Variants in CDH4 observed in about 807,000 individuals in gnomAD.
CDH4 encodes the protein cadherin 4, also known as cadherin-4.
Under a neutral mutation model 86.0 loss-of-function variants are expected in CDH4, and 33 were observed. The ratio of observed to expected loss-of-function variants is 0.38; its 90% confidence interval spans 0.29 to 0.51. CDH4 has a LOEUF of 0.51. CDH4 is among the 20% of genes least tolerant of loss of function. CDH4 has a pLI of 0.86. For synonymous variants in CDH4, 555 were observed against 549.4 expected, an observed-to-expected ratio of 1.01 and a Z score of -0.14; for missense variants, 1,114 against 1,307.4, an observed-to-expected ratio of 0.85 and a Z score of 2.28.
intron 2 of CDH4, among the ~76,000 whole-genome samples, chr20:61,707,738 C>T (rs182449833): frequency 6.6e-6 from 1 of 152,272 alleles, no homozygotes; most frequent in Non-Finnish European, 1.5e-5. Context: ...CACCTCGGAT[C>T]ATCAGGTGTT....
At chr20:61,670,837 G>A (rs977519193) in intron 2 of CDH4, among the ~76,000 whole-genome samples, 3 of 152,124 alleles carry the variant, frequency 2.0e-5, no homozygotes, top group Non-Finnish European at 1.5e-5. Flanking sequence ...GGAAGGGGCT[G>A]GGATCAGTGG....
intron 2 of CDH4, chr20:61,740,695 C>A (rs954039433): frequency 3.9e-5 from 6 of 152,436 alleles, no homozygotes; most frequent in African/African-American, 1.2e-4. Flanking sequence ...TCCTTCTCTA[C>A]CAGTGACAAC....
At chr20:61,540,764 G>T (rs1278958603) in intron 2 of CDH4, among the ~76,000 whole-genome samples, 1 of 152,076 alleles carries the variant, frequency 6.6e-6, no homozygotes, top group Non-Finnish European at 1.5e-5. Context: ...TTTCTTCCAT[G>T]CAGCTTCAAG....
intron 9 of CDH4, among the ~76,000 whole-genome samples, chr20:61,921,024 AATTGCATGGAAGCGTGTCATGGTG>A (rs1184891795): frequency 6.9e-5 from 9 of 130,520 alleles, no homozygotes; most frequent in Non-Finnish European, 1.3e-4. Flanking sequence ...GTGTCACAGT[AATTGCATGGAAGCGTGTCATGGTG>A]ATTGCGTGGA....
chr20:61,459,289 A>T (rs914443672), intron 2 of CDH4, among the ~76,000 whole-genome samples: 5 of 151,766 alleles, frequency 3.3e-5, no homozygotes, highest in African/African-American at 1.2e-4. Context: ...GAGAACCCTG[A>T]CTCAGAGCTT....
At chr20:61,787,144 A>G (rs1032882519) in intron 4 of CDH4, among the ~76,000 whole-genome samples, 1 of 152,008 alleles carries the variant, frequency 6.6e-6, no homozygotes, top group African/African-American at 2.4e-5. Flanking sequence ...CCATCCATCC[A>G]TCCATCTATC....
intron 4 of CDH4, among the ~76,000 whole-genome samples, chr20:61,818,425 C>T (rs755585350): frequency 4.6e-5 from 7 of 152,210 alleles, no homozygotes; most frequent in Non-Finnish European, 8.8e-5. Flanking sequence ...CCTGTAATCC[C>T]GGCACTTTGG....
intron 2 of CDH4, among the ~76,000 whole-genome samples, chr20:61,275,927 T>C (rs1487203951): frequency 1.3e-5 from 2 of 152,112 alleles, no homozygotes; most frequent in African/African-American, 4.8e-5. Flanking sequence ...GTGATTTGAT[T>C]TTTGATGTAA....
intron 2 of CDH4, among the ~76,000 whole-genome samples, chr20:61,448,235 G>C (rs970484204): frequency 2.0e-5 from 3 of 152,178 alleles, no homozygotes; most frequent in Non-Finnish European, 4.4e-5. Flanking sequence ...CGGACAGCTG[G>C]GCACCTTGTT....
intron 3 of CDH4, among the ~76,000 whole-genome samples, chr20:61,759,677 A>T (rs956944549): frequency 6.6e-6 from 1 of 152,092 alleles, no homozygotes; most frequent in African/African-American, 2.4e-5. Context: ...TACTATGAAT[A>T]TATTTTTCTA....
chr20:61,297,248 C>A (rs1474054974), intron 2 of CDH4, among the ~76,000 whole-genome samples: 2 of 152,002 alleles, frequency 1.3e-5, no homozygotes, highest in African/African-American at 4.8e-5. Context: ...TGGCCACGCA[C>A]GGTGGCATGT....
chr20:61,910,672 C>T, intron 9 of CDH4, 65 bp downstream of exon 9: 1 of 1,413,504 alleles, frequency 7.1e-7, no homozygotes, highest in Non-Finnish European at 9.9e-7. Flanking sequence ...TCCCTAGGAC[C>T]AGTCAAACAG....
chr20:61,389,074 G>T (rs558256143), intron 2 of CDH4, among the ~76,000 whole-genome samples: 1 of 152,198 alleles, frequency 6.6e-6, no homozygotes, highest in Non-Finnish European at 1.5e-5. Context: ...AAGGTTTTTT[G>T]CTGGTGTTTG....
chr20:61,557,706 GGA>G (rs1333600932), intron 2 of CDH4, among the ~76,000 whole-genome samples: 1 of 152,222 alleles, frequency 6.6e-6, no homozygotes, highest in Non-Finnish European at 1.5e-5. Flanking sequence ...GATTTCGGCG[GGA>G]GAGGGAACCA....
intron 3 of CDH4, among the ~76,000 whole-genome samples, chr20:61,766,770 G>C (rs550281460): frequency 9.9e-5 from 15 of 152,194 alleles, no homozygotes; most frequent in Non-Finnish European, 2.2e-4. Context: ...CTGTGCCACT[G>C]TCTGTGCCCC....
chr20:61,732,689 T>C (rs997595674), intron 2 of CDH4, among the ~76,000 whole-genome samples: 2 of 152,192 alleles, frequency 1.3e-5, no homozygotes, highest in Non-Finnish European at 2.9e-5. Context: ...TCATCACGCA[T>C]GGTCCCCCAC....
At chr20:61,899,065 G>C (rs1985261891) in intron 8 of CDH4, among the ~76,000 whole-genome samples, 3 of 152,170 alleles carry the variant, frequency 2.0e-5, no homozygotes, top group Admixed American at 2.0e-4. Flanking sequence ...GGGAGGCCAA[G>C]GTGGGTGGAT....
At chr20:61,605,533 C>G (rs1392204479) in intron 2 of CDH4, among the ~76,000 whole-genome samples, 1 of 151,726 alleles carries the variant, frequency 6.6e-6, no homozygotes, top group Non-Finnish European at 1.5e-5. Flanking sequence ...CTTTCTGTCT[C>G]TCTCCTTCTG....
intron 2 of CDH4, among the ~76,000 whole-genome samples, chr20:61,533,108 G>A (rs529920837): frequency 4.6e-5 from 7 of 152,232 alleles, no homozygotes; most frequent in African/African-American, 7.2e-5. Context: ...AGTGAAAGCC[G>A]AGGAGAAGGA....
Sources: gnomAD v4.1 joint callset for allele counts (sites outside exome capture counted in the v4.1 genomes callset) on GRCh38, gnomAD v4.1.1 for gene constraint, MANE v1.5 for transcripts, NCBI Gene and HGNC (gene_info 2026-07-23, HGNC 2026-07-21) for gene names.